TBC1D5: variants seen among roughly 807,000 people sequenced by gnomAD.
TBC1D5 encodes the protein TBC1 domain family, member 5.
TBC1D5 carries 75 observed loss-of-function variants against 100.3 expected under a neutral mutation model. That is an observed-to-expected ratio of 0.75 (90% CI 0.62 to 0.91). The LOEUF (loss-of-function observed/expected upper bound fraction) is 0.91. Among genes scored for constraint, TBC1D5 ranks in the 40% least tolerant of loss-of-function variants. The pLI is 0.00. For synonymous variants in TBC1D5, 323 were observed against 325.6 expected (o/e 0.99, Z 0.09); for missense variants, 910 against 942.4 (o/e 0.97, Z 0.45).
chr3:17,266,949 G>A (rs1317901488), intron 15 of TBC1D5, among the ~76,000 whole-genome samples: 2 of 151,736 alleles, frequency 1.3e-5, no homozygotes, highest in East Asian at 1.9e-4. Flanking sequence ...CAAAAACACC[G>A]TTAATTGGGT....
chr3:17,607,410 C>T (rs1166570585), intron 2 of TBC1D5, among the ~76,000 whole-genome samples: 1 of 152,082 alleles, frequency 6.6e-6, no homozygotes, highest in Non-Finnish European at 1.5e-5. Flanking sequence ...AAATTTGAAT[C>T]CAAATTATCA....
chr3:17,472,416 C>T (rs779861295), intron 3 of TBC1D5, among the ~76,000 whole-genome samples: 6 of 152,148 alleles, frequency 3.9e-5, no homozygotes, highest in South Asian at 2.1e-4. Context: ...CGAGTCACTG[C>T]GCCCAGCCCA....
intron 3 of TBC1D5, among the ~76,000 whole-genome samples, chr3:17,504,885 T>A (rs1206722742): frequency 1.3e-5 from 2 of 152,248 alleles, no homozygotes; most frequent in East Asian, 3.8e-4. Context: ...CATCTTATTA[T>A]ATCGACATCA....
intron 13 of TBC1D5, among the ~76,000 whole-genome samples, chr3:17,352,687 A>AAAAAAAC (rs908757280): frequency 1.3e-5 from 2 of 150,578 alleles, no homozygotes; most frequent in Non-Finnish European, 3.0e-5. Context: ...AAAAGGCAAA[A>AAAAAAAC]AAAAAAAAAA....
intron 15 of TBC1D5, among the ~76,000 whole-genome samples, chr3:17,274,441 T>C (rs1335167988): frequency 1.3e-5 from 2 of 152,244 alleles, no homozygotes; most frequent in Admixed American, 1.3e-4. Context: ...AAGTAGATGA[T>C]CTCAAACTAA....
chr3:17,285,746 T>G (rs1241871108), intron 15 of TBC1D5, among the ~76,000 whole-genome samples: 1 of 152,190 alleles, frequency 6.6e-6, no homozygotes, highest in East Asian at 1.9e-4. Flanking sequence ...TATAGTGAGA[T>G]TTCTTGGAAT....
chr3:17,172,789 T>TC (rs554071400), intron 19 of TBC1D5, among the ~76,000 whole-genome samples: 202 of 152,374 alleles, frequency 1.3e-3, no homozygotes, highest in African/African-American at 4.5e-3. Flanking sequence ...TTGATTTTTT[T>TC]CAATGCTAGA....
intron 19 of TBC1D5, among the ~76,000 whole-genome samples, chr3:17,177,571 T>A (rs971171929): frequency 6.6e-6 from 1 of 152,172 alleles, no homozygotes; most frequent in Non-Finnish European, 1.5e-5. Context: ...TATGAATATA[T>A]TAGCTGAATC....
intron 1 of TBC1D5, among the ~76,000 whole-genome samples, chr3:17,724,214 A>G (rs549951971): frequency 6.6e-6 from 1 of 151,484 alleles, no homozygotes; most frequent in Non-Finnish European, 1.5e-5. Context: ...GGCTGTGCCT[A>G]TGGTCTCAGC....
At chr3:17,545,547 TGCATCAA>T (rs1468967385) in intron 2 of TBC1D5, among the ~76,000 whole-genome samples, 1 of 152,260 alleles carries the variant, frequency 6.6e-6, no homozygotes, top group African/African-American at 2.4e-5. Context: ...AGCAACATAC[TGCATCAA>T]GTCCTGAGAC....
chr3:17,741,331 G>A (rs1280671002), upstream of TBC1D5, among the ~76,000 whole-genome samples: 4 of 152,152 alleles, frequency 2.6e-5, no homozygotes, highest in Admixed American at 1.3e-4. Context: ...TCAGAGATAT[G>A]GTATGAAAAG....
At chr3:17,386,099 T>C (rs2093141571) in intron 8 of TBC1D5, among the ~76,000 whole-genome samples, 1 of 152,118 alleles carries the variant, frequency 6.6e-6, no homozygotes, top group African/African-American at 2.4e-5. Flanking sequence ...AGAAATATCT[T>C]GGGAAACTTA....
At chr3:17,163,602 C>T (rs535763364) in intron 21 of TBC1D5, among the ~76,000 whole-genome samples, 6 of 152,324 alleles carry the variant, frequency 3.9e-5, no homozygotes, top group South Asian at 2.1e-4. Flanking sequence ...CCCTCTTACC[C>T]GCTTCCTGCC....
rs537131377 is a variant in TBC1D5, at chr3:17,202,958, G to A, written c.1752+11249C>T. Among the ~76,000 whole-genome samples, 13 of 152,346 alleles carry A rather than the reference G, an allele frequency of 8.5e-5. No homozygotes were observed. The East Asian group carries it at 2.5e-3, about 29-fold the overall frequency. ...GGAGCCTCCACACAGAGTCTCCGCT[G>A]GGGCACTGCCTAGTGGAGTTGTGAC... On this transcript the variant is annotated intron_variant, in intron 18 of 21. Transcript: ENST00000253692.
intron 1 of TBC1D5, among the ~76,000 whole-genome samples, chr3:17,708,524 T>TG (rs963297749): frequency 2.2e-4 from 33 of 152,280 alleles, no homozygotes; most frequent in African/African-American, 5.5e-4. Flanking sequence ...TCTTTTATTA[T>TG]GGGGGGGTCT....
intron 10 of TBC1D5, 114 bp from the exon 11 acceptor site, chr3:17,374,793 T>G: frequency 2.0e-6 from 2 of 1,014,016 alleles, no homozygotes; most frequent in Non-Finnish European, 2.9e-6. Context: ...CGAAAAAAAT[T>G]AGTCTTTTTT....
At chr3:17,278,827 T>C (rs1051851701) in intron 15 of TBC1D5, among the ~76,000 whole-genome samples, 5 of 152,244 alleles carry the variant, frequency 3.3e-5, no homozygotes, top group Admixed American at 1.3e-4. Flanking sequence ...TGAAAGGTGT[T>C]GTGTTTCTGT....
intron 16 of TBC1D5, among the ~76,000 whole-genome samples, chr3:17,255,961 G>A (rs918656747): frequency 1.3e-5 from 2 of 152,148 alleles, no homozygotes; most frequent in African/African-American, 4.8e-5. Context: ...GCGGGAACCC[G>A]GGAGGCGGAG....
intron 21 of TBC1D5, among the ~76,000 whole-genome samples, chr3:17,161,488 G>A (rs903211158): frequency 5.9e-5 from 9 of 152,236 alleles, no homozygotes; most frequent in African/African-American, 2.2e-4. Flanking sequence ...TGGCTTCCCT[G>A]GGGGAACAAA....
Sources: gnomAD v4.1 joint callset for allele counts (sites outside exome capture counted in the v4.1 genomes callset) on GRCh38, gnomAD v4.1.1 for gene constraint, MANE v1.5 for transcripts, NCBI Gene and HGNC (gene_info 2026-07-23, HGNC 2026-07-21) for gene names.